The following RBM19 variants were observed in gnomAD, a reference collection of about 807,000 sequenced individuals.
RBM19 encodes RNA binding motif protein 19.
A neutral mutation model predicts 116.8 loss-of-function variants in RBM19; 94 were observed. The ratio of observed to expected loss-of-function variants is 0.80; its 90% CI spans 0.68 to 0.95. The LOEUF is 0.95. Among genes scored for constraint, RBM19 ranks in the 40% least tolerant of loss-of-function variants. The pLI is 0.00. For missense variants in RBM19, 1,161 were observed against 1,220.7 expected, an observed-to-expected ratio of 0.95 and a Z score of 0.73; for synonymous variants, 475 against 494.1, an observed-to-expected ratio of 0.96 and a Z score of 0.51.
chr12:113,868,690 C>T (rs1036545186), intron 21 of RBM19, among the ~76,000 whole-genome samples: 3 of 152,120 alleles, frequency 2.0e-5, no homozygotes, highest in South Asian at 4.1e-4. Flanking sequence ...CTGGGAGGTA[C>T]GATATGGGAG....
intron 4 of RBM19, 40 bp from the exon 5 acceptor site, chr12:113,959,444 AAGAG>A (rs1237127039): frequency 2.5e-6 from 4 of 1,575,438 alleles, no homozygotes; most frequent in Admixed American, 3.4e-5. Flanking sequence ...ACACGGGAAA[AAGAG>A]AGAGGAAGAG....
chr12:113,837,119 G>A (rs1011679769), intron 23 of RBM19, among the ~76,000 whole-genome samples: 5 of 131,138 alleles, frequency 3.8e-5, no homozygotes, highest in South Asian at 2.5e-4. Flanking sequence ...ACACACACAC[G>A]TCCCAAGCAA....
chr12:113,820,597 G>A (rs534710874), downstream of RBM19, among the ~76,000 whole-genome samples: 2 of 152,252 alleles, frequency 1.3e-5, no homozygotes, highest in South Asian at 2.1e-4. Flanking sequence ...GATCAGTCAG[G>A]CCACACTGGC....
intron 2 of RBM19, 135 bp from the exon 3 acceptor site, chr12:113,960,313 T>C (rs1037166157): frequency 3.6e-5 from 41 of 1,139,588 alleles, no homozygotes; most frequent in Non-Finnish European, 4.9e-5. Flanking sequence ...AGATTACACG[T>C]CACCCCTTAG....
intron 6 of RBM19, among the ~76,000 whole-genome samples, chr12:113,955,993 C>T (rs151265976): frequency 8.4e-4 from 128 of 152,206 alleles, no homozygotes; most frequent in African/African-American, 3.0e-3. Flanking sequence ...GGTCAGAAAC[C>T]GGAGGCAGGG....
chr12:113,835,762 G>A (rs1270047554), intron 23 of RBM19, among the ~76,000 whole-genome samples: 1 of 152,190 alleles, frequency 6.6e-6, no homozygotes, highest in Non-Finnish European at 1.5e-5. Context: ...CCAGCCACTC[G>A]CCATGCTGGT....
chr12:113,874,488 G>C (rs1490662095), intron 21 of RBM19, among the ~76,000 whole-genome samples: 4 of 152,196 alleles, frequency 2.6e-5, no homozygotes, highest in Non-Finnish European at 4.4e-5. Context: ...CTCCCAGGAC[G>C]CATGTGAGAC....
Position 113,952,493 on chromosome 12 carries a change from G to T in RBM19, c.1000+19C>A. The T allele has an allele frequency of 6.2e-7, 1 of 1,604,874 alleles. No individual in the cohort carries two copies. The highest frequency in any genetic ancestry group is 8.5e-7 in the Non-Finnish European group (1 of 1,172,524). The stretch of plus-strand genomic sequence containing the variant: ...CACTGTCTACCCGCCTTCCCACCTG[G>T]AAACATCCTGGATCTTACCTGTTTT... On this transcript the variant is annotated intron_variant, in intron 8 of 23. Coordinates refer to ENST00000261741, the MANE Select transcript of RBM19 (RefSeq NM_016196.4).
At chr12:113,965,221 C>T (rs1295062147) in intron 1 of RBM19, among the ~76,000 whole-genome samples, 2 of 149,566 alleles carry the variant, frequency 1.3e-5, no homozygotes, top group Admixed American at 6.7e-5. Context: ...TGCAGTGAGC[C>T]GAGACTGCCG....
At chr12:113,891,832 C>T (rs547032052) in intron 21 of RBM19, among the ~76,000 whole-genome samples, 1 of 152,286 alleles carries the variant, frequency 6.6e-6, no homozygotes, top group African/African-American at 2.4e-5. Flanking sequence ...AGTATAATTG[C>T]CCCACGAAGT....
At chr12:113,819,096 C>T (rs1874253181), downstream of RBM19, among the ~76,000 whole-genome samples, 1 of 152,234 alleles carries the variant, frequency 6.6e-6, no homozygotes, top group African/African-American at 2.4e-5. Flanking sequence ...TTCAGAGACA[C>T]AGCTCAAGGG....
chr12:113,945,795 G>C, intron 13 of RBM19, 33 bp downstream of exon 13: 1 of 1,501,416 alleles, frequency 6.7e-7, no homozygotes, highest in South Asian at 1.1e-5. Context: ...GTTTGGCCCA[G>C]ATCCCAGAGA....
At position 113,918,427 on chromosome 12, in the gene RBM19, G is replaced by A; in HGVS notation, c.2406C>T (p.His802=). 6.2e-7 allele frequency: 1 copy of A among 1,614,172 alleles called. No individual in the cohort carries two copies. The highest frequency in any genetic ancestry group is 1.3e-5 in the African/African-American group (1 of 75,050). ...KQLQGHVVDG[H]KLEVRISERA... ...GTTCCGAGATCCTCACTTCCAGCTT[G>A]TGGCCGTCCACGACGTGACCCTAAG... is the stretch of plus-strand genomic sequence containing the variant. Residue 802 remains histidine, a synonymous_variant, in exon 20 of 24, where the codon CAC becomes CAT. Transcript: ENST00000261741.
chr12:113,920,373 C>T (rs145705638), intron 19 of RBM19, among the ~76,000 whole-genome samples: 14 of 152,362 alleles, frequency 9.2e-5, no homozygotes, highest in Admixed American at 5.2e-4. Context: ...CCCTGGCTCA[C>T]GTCAGGCCCT....
rs764212583 is a variant in RBM19, at chr12:113,823,247, C to A, written c.2860G>T (p.Glu954Ter). Residue 954 changes from glutamate to a stop codon, truncating the protein, a stop_gained, in exon 24 of 24, where the codon GAG (glutamate) becomes TAG (stop). Transcript: ENST00000261741. LOFTEE classifies it high-confidence loss of function. ...EQLEGSDSDS[E>*]EQTLQL ...GCTCACAGCTGAAGGGTCTGCTCCT[C>A]GCTGTCGCTGTCACTGCCTTCCAGC... is the stretch of plus-strand genomic sequence containing the variant. 52 of 1,611,834 alleles carry A rather than the reference C, an allele frequency of 3.2e-5. 2 individuals carry two copies. In the South Asian group the frequency reaches 5.6e-4, roughly 17 times the overall value.
chr12:113,817,249 G>T (rs551308949), downstream of RBM19: 1 of 152,396 alleles, frequency 6.6e-6, no homozygotes, highest in South Asian at 2.1e-4. Context: ...CAGAGCCTGC[G>T]TCCACGCAGC....
chr12:113,948,813 C>T lies in RBM19; in HGVS notation c.1276+20G>A. The T allele has an allele frequency of 6.2e-7, 1 of 1,613,530 alleles. No individual in the cohort carries two copies. The highest frequency in any genetic ancestry group is 8.5e-7 in the Non-Finnish European group (1 of 1,179,538). The stretch of plus-strand genomic sequence containing the variant: ...CCCATAGCCGCTGGGCTATCCACGG[C>T]CCGGAGGCCACACCCCTACCATATT... On this transcript the variant is annotated intron_variant, in intron 10 of 23. Coordinates refer to ENST00000261741, the MANE Select transcript of RBM19 (RefSeq NM_016196.4).
chr12:113,966,306 G>A lies in RBM19; in HGVS notation c.-79C>T. The stretch of plus-strand genomic sequence containing the variant: ...CAAGTTTCACGCTACCGCCCTGGGC[G>A]CCGCCATCTTTACCGAGCCGGAACA... On this transcript the variant is annotated 5_prime_UTR_variant, in exon 1 of 24. Coordinates refer to ENST00000261741, the MANE Select transcript of RBM19 (RefSeq NM_016196.4). The A allele has an allele frequency of 6.3e-7, 1 of 1,581,630 alleles. No individual in the cohort carries two copies. Among genetic ancestry groups the A allele is most frequent in the Non-Finnish European group, 8.7e-7 (1 of 1,150,904 alleles).
chr12:113,943,949 C>T (rs150042266), intron 13 of RBM19, among the ~76,000 whole-genome samples: 112 of 152,236 alleles, frequency 7.4e-4, no homozygotes, highest in Middle Eastern at 3.4e-3. Context: ...ACACATGTGG[C>T]TCACATTCCC....
Sources: allele counts gnomAD v4.1 joint callset (sites outside exome capture counted in the v4.1 genomes callset), GRCh38; gene constraint gnomAD v4.1.1; transcripts MANE v1.5; gene names NCBI Gene and HGNC (gene_info 2026-07-23, HGNC 2026-07-21).